CTXN3: variants seen among roughly 807,000 people sequenced by gnomAD.
CTXN3 encodes the protein cortexin-3.
Under a neutral mutation model 5.0 loss-of-function variants are expected in CTXN3, and 4 were observed. The ratio of observed to expected loss-of-function variants is 0.79; its 90% CI spans 0.39 to 1.82. The LOEUF (loss-of-function observed/expected upper bound fraction) is 1.82, where lower values mean the gene tolerates loss of function less well. Among genes scored for constraint, CTXN3 ranks in the 40% most tolerant of loss-of-function variants. The pLI, the probability that CTXN3 is intolerant of heterozygous loss-of-function variation, is 0.04. For missense variants in CTXN3, 89 were observed against 99.7 expected (o/e 0.89, Z 0.46); for synonymous variants, 48 against 38.6 (o/e 1.24, Z -0.91).
intron 1 of CTXN3, among the ~76,000 whole-genome samples, chr5:127,651,360 A>G (rs1314599363): frequency 6.6e-6 from 1 of 152,150 alleles, no homozygotes; most frequent in Admixed American, 6.5e-5. Flanking sequence ...TATTTAAAAT[A>G]CAGACAGCAT....
At chr5:127,653,988 T>C (rs1749849772) in intron 2 of CTXN3, among the ~76,000 whole-genome samples, 1 of 152,208 alleles carries the variant, frequency 6.6e-6, no homozygotes, top group South Asian at 2.1e-4. Flanking sequence ...CCTGTCTTCC[T>C]GTCCTGTCCA....
intron 2 of CTXN3, among the ~76,000 whole-genome samples, chr5:127,654,459 A>G (rs1749860171): frequency 6.6e-6 from 1 of 152,228 alleles, no homozygotes; most frequent in Non-Finnish European, 1.5e-5. Flanking sequence ...AATACTTGGC[A>G]TCCTCGTGCA....
intron 2 of CTXN3, among the ~76,000 whole-genome samples, chr5:127,655,352 C>T (rs1449450031): frequency 6.6e-6 from 1 of 152,036 alleles, no homozygotes; most frequent in Non-Finnish European, 1.5e-5. Flanking sequence ...CTCATTTGGG[C>T]TGGATGGAAA....
At chr5:127,656,688 T>C (rs924168834) in intron 2 of CTXN3, among the ~76,000 whole-genome samples, 19 of 152,232 alleles carry the variant, frequency 1.2e-4, no homozygotes, top group Non-Finnish European at 2.9e-5. Context: ...CCCTTAGTTG[T>C]GTCTTAGGTG....
intron 1 of CTXN3, chr5:127,652,479 C>T (rs1749805672): frequency 6.6e-6 from 1 of 152,162 alleles, no homozygotes; most frequent in Non-Finnish European, 1.5e-5. Flanking sequence ...ACTGTCAAGA[C>T]TCGCACTGTA....
chr5:127,657,911 T>C lies in CTXN3; in HGVS notation c.*144T>C. 3.1e-6 allele frequency: 3 copies of C among 974,976 alleles called. No individual in the cohort carries two copies. The highest frequency in any genetic ancestry group is 1.6e-5 in the African/African-American group (1 of 60,754). The allele number at this position is 974,976 out of a possible 1,614,324, so 60.4% of individuals were successfully genotyped here. A position where few individuals can be genotyped will look rare whatever the true frequency, so the allele number is the denominator to read the frequency against. On this transcript the variant is annotated 3_prime_UTR_variant, in exon 3 of 3. Coordinates refer to ENST00000379445, the MANE Select transcript of CTXN3 (RefSeq NM_001048252.3). ...AATCCATTATTCCATAAATATGCAG[T>C]TGGGTTAAAGACATTTGAGGATGTT...
chr5:127,655,941 A>C (rs1749898301), intron 2 of CTXN3, among the ~76,000 whole-genome samples: 1 of 152,186 alleles, frequency 6.6e-6, no homozygotes, highest in East Asian at 1.9e-4. Flanking sequence ...ATTGTTTTTT[A>C]AACTGTAATT....
At position 127,657,542 on chromosome 5, in the gene CTXN3, C is replaced by A; in HGVS notation, c.21C>A (p.Ile7=). 6.2e-7 allele frequency: 1 copy of A among 1,614,034 alleles called. No homozygotes were observed. Among genetic ancestry groups the A allele is most frequent in the Non-Finnish European group, 8.5e-7 (1 of 1,179,946 alleles). The change falls in exon 3 of 3, where the codon ATC becomes ATA. Residue 7 remains isoleucine, a synonymous_variant. Coordinates refer to ENST00000379445, the MANE Select transcript of CTXN3 (RefSeq NM_001048252.3). ...GGACCATGGATGGAGGACAGCCCAT[C>A]CCCTCATCCCTAGTGCCCCTTGGGA... MDGGQP[I]PSSLVPLGNE... is the part of the protein sequence containing the mutation.
At chr5:127,649,418 G>T (rs893441596) in intron 1 of CTXN3, 30 bp downstream of exon 1, 1 of 152,152 alleles carries the variant, frequency 6.6e-6, no homozygotes, top group Non-Finnish European at 1.5e-5. Flanking sequence ...TCTTTGACGG[G>T]CTAATTAAAT....
rs75991586 is a variant in CTXN3 at position 127,649,492 on chromosome 5, G to A, written c.-207+104G>A. On this transcript the variant is annotated intron_variant, in intron 1 of 2. Coordinates refer to ENST00000379445, the MANE Select transcript of CTXN3 (RefSeq NM_001048252.3). ...TCGCATACATGCCTTTCGGATCATA[G>A]TTGTGAATTTAGATCTAGCTGTTAG... 1.6e-3 allele frequency: 237 copies of A among 152,328 alleles called. 5 individuals carry two copies. The East Asian group carries it at 0.044, about 28-fold the overall frequency. The allele number at this position is 152,328 out of a possible 1,614,324, so 9.4% of individuals were successfully genotyped here. A position where few individuals can be genotyped will look rare whatever the true frequency, so the allele number is the denominator to read the frequency against.
intron 2 of CTXN3, among the ~76,000 whole-genome samples, chr5:127,655,598 G>A (rs17674275): frequency 0.016 from 2,434 of 152,296 alleles, 29 homozygotes; most frequent in Non-Finnish European, 0.023. Context: ...GATGTGCTGA[G>A]GAGACCTGCA....
At position 127,657,730 on chromosome 5, in the gene CTXN3, G is replaced by A. The variant is rs762905924; in HGVS notation, c.209G>A (p.Gly70Asp). ...PTSTWADGLEGLEKGQFDHAL... is the reference protein window; with the variant it reads ...PTSTWADGLEDLEKGQFDHAL... Reference sequence around the variant, plus strand: ...TCTACCTGGGCTGATGGACTTGAAGGCCTGGAGAAAGGGCAGTTCGACCAT... The same window carrying A: ...TCTACCTGGGCTGATGGACTTGAAGACCTGGAGAAAGGGCAGTTCGACCAT... The change falls in exon 3 of 3, where the codon GGC becomes GAC. Residue 70 changes from glycine to aspartate, a missense_variant. Physicochemically the swap from Gly to Asp is moderately conservative, Grantham distance 94 (BLOSUM62 -1). Coordinates refer to ENST00000379445, the MANE Select transcript of CTXN3 (RefSeq NM_001048252.3). 1 of 1,614,198 alleles carries A rather than the reference G, an allele frequency of 6.2e-7. No homozygotes were observed. The highest frequency in any genetic ancestry group is 8.5e-7 in the Non-Finnish European group (1 of 1,180,020).
At chr5:127,650,100 G>A (rs1561419948) in intron 1 of CTXN3, among the ~76,000 whole-genome samples, 1 of 152,042 alleles carries the variant, frequency 6.6e-6, no homozygotes, top group Non-Finnish European at 1.5e-5. Context: ...GATGAAGATG[G>A]GGAAGAAGTA....
chr5:127,657,967 A>G lies in CTXN3; in HGVS notation c.*200A>G, dbSNP rs976020731. 9 of 616,500 alleles carry G rather than the reference A, an allele frequency of 1.5e-5. No homozygotes were observed. The highest frequency in any genetic ancestry group is 6.4e-5 in the South Asian group (3 of 47,152). 38.2% of individuals were successfully genotyped at this position (616,500 alleles called of 1,614,324 possible). ...TGGACACTTATATAACTAATCCAACATAAGAAGGTTTAAATTTTTATGTTT... is the reference window on the plus strand; with the variant it reads ...TGGACACTTATATAACTAATCCAACGTAAGAAGGTTTAAATTTTTATGTTT... On this transcript the variant is annotated 3_prime_UTR_variant, in exon 3 of 3. Coordinates refer to ENST00000379445, the MANE Select transcript of CTXN3 (RefSeq NM_001048252.3).
chr5:127,654,815 G>A (rs572806527), intron 2 of CTXN3, among the ~76,000 whole-genome samples: 119 of 152,286 alleles, frequency 7.8e-4, no homozygotes, highest in Non-Finnish European at 8.2e-4. Context: ...TTGTGCTGAG[G>A]AGGTCATTCT....
intron 2 of CTXN3, chr5:127,653,816 C>A (rs1749845031): frequency 6.6e-6 from 1 of 152,186 alleles, no homozygotes. Flanking sequence ...CAAGCAGACT[C>A]TTCCAGGGAT....
rs1749970649 is a variant in CTXN3, at chr5:127,658,620, T to C, written c.*853T>C. 1 of 165,930 alleles carries C rather than the reference T, an allele frequency of 6.0e-6. No individual in the cohort carries two copies. Among genetic ancestry groups the C allele is most frequent in the South Asian group, 2.1e-4 (1 of 4,828 alleles). The allele number at this position is 165,930 out of a possible 1,614,324, so 10.3% of individuals were successfully genotyped here. A position where few individuals can be genotyped will look rare whatever the true frequency, so the allele number is the denominator to read the frequency against. ...TGTATATAGTCACCAAATAAAACTT[T>C]TCAAGAAACAGAAATGCTTCCTCTC... On this transcript the variant is annotated 3_prime_UTR_variant, in exon 3 of 3. Coordinates refer to ENST00000379445, the MANE Select transcript of CTXN3 (RefSeq NM_001048252.3).
At chr5:127,655,420 G>C (rs1279574043) in intron 2 of CTXN3, among the ~76,000 whole-genome samples, 1 of 152,212 alleles carries the variant, frequency 6.6e-6, no homozygotes, top group Non-Finnish European at 1.5e-5. Context: ...CAAAGTGAGA[G>C]GATCCTCAGT....
intron 1 of CTXN3, among the ~76,000 whole-genome samples, chr5:127,652,021 C>T (rs1392129717): frequency 6.6e-6 from 1 of 152,156 alleles, no homozygotes; most frequent in Non-Finnish European, 1.5e-5. Context: ...TTTTAAATGG[C>T]TGCCCTTCCC....
Sources: allele counts gnomAD v4.1 joint callset (sites outside exome capture counted in the v4.1 genomes callset), GRCh38; gene constraint gnomAD v4.1.1; transcripts MANE v1.5; gene names NCBI Gene and HGNC (gene_info 2026-07-23, HGNC 2026-07-21).